Variants in HECW1 observed in about 807,000 individuals in gnomAD.
HECW1 encodes HECT, C2 and WW domain containing E3 ubiquitin protein ligase 1.
In HECW1, 61 loss-of-function variants were observed where a neutral mutation model predicts 182.3. That is an observed-to-expected ratio of 0.33 (90% CI 0.27 to 0.41). The LOEUF is 0.41. Among genes scored for constraint, HECW1 ranks in the 10% least tolerant of loss-of-function variants. The pLI is 1.00. For synonymous variants in HECW1, 859 were observed against 832.6 expected (o/e 1.03, Z -0.55); for missense variants, 1,739 against 2,108.9 (o/e 0.82, Z 3.44).
intron 5 of HECW1, 23 bp from the exon 6 acceptor site, chr7:43,360,863 C>G: frequency 6.3e-7 from 1 of 1,578,448 alleles, no homozygotes; most frequent in South Asian, 1.1e-5. Context: ...ACTTCTCAGT[C>G]TCATTTTTTG....
rs200208944 is a variant in HECW1, at chr7:43,554,599, C to G, written c.4518C>G (p.His1506Gln). The change falls in exon 29 of 30, where the codon CAC becomes CAG. Residue 1506 changes from histidine (H) to glutamine (Q), a missense_variant. Transcript: ENST00000395891. ...RNNTEYRGGY[H>Q]DGHLVIRWFW... ...TCCCTTTGCCTCGTGCAGGTTACCACGATGGGCATCTTGTGATCCGCTGGT... is the reference window on the plus strand; with the variant it reads ...TCCCTTTGCCTCGTGCAGGTTACCAGGATGGGCATCTTGTGATCCGCTGGT... 5 of 1,612,374 alleles carry G rather than the reference C, an allele frequency of 3.1e-6. No individual in the cohort carries two copies. In the South Asian group the frequency reaches 5.5e-5, roughly 18 times the overall value.
At chr7:43,475,321 T>C (rs1341158847) in intron 16 of HECW1, among the ~76,000 whole-genome samples, 1 of 152,158 alleles carries the variant, frequency 6.6e-6, no homozygotes, top group Non-Finnish European at 1.5e-5. Flanking sequence ...TTAAGCACAA[T>C]TGTAAGAACA....
chr7:43,489,909 A>G (rs1482696068), intron 17 of HECW1, among the ~76,000 whole-genome samples: 3 of 152,236 alleles, frequency 2.0e-5, no homozygotes, highest in Non-Finnish European at 4.4e-5. Flanking sequence ...TAGACTTTGT[A>G]GCACTGGTCC....
intron 7 of HECW1, among the ~76,000 whole-genome samples, chr7:43,401,596 A>T (rs1266129783): frequency 7.9e-6 from 1 of 126,844 alleles, no homozygotes; most frequent in Non-Finnish European, 1.8e-5. Context: ...TCCCCCAAAT[A>T]TAGCCACAGT....
chr7:43,488,364 AAGGAAGGAAGGAAGGAAGGAAGGAAG>A lies in HECW1; in HGVS notation c.3235-3710_3235-3685del, dbSNP rs1563044791. On this transcript the variant is annotated intron_variant, in intron 17 of 29. Transcript: ENST00000395891. ...GAAGGAAGGAAGGAAGGAAGGAAGGAAGGAAGGAAGGAAGGAAGGAAGGAAGGAAGGAAGGAAATGAAAGAAAGAGA... is the reference window on the plus strand; with the variant it reads ...GAAGGAAGGAAGGAAGGAAGGAAGGAGAAGGAAGGAAATGAAAGAAAGAGA... 6.5e-4 allele frequency among the ~76,000 whole-genome samples: 86 copies of A among 133,034 alleles called. 1 individual carries two copies. The highest frequency in any genetic ancestry group is 6.5e-4 in the Non-Finnish European group (40 of 61,982). 87.3% of individuals were successfully genotyped at this position (133,034 alleles called of 152,430 possible).
intron 2 of HECW1, among the ~76,000 whole-genome samples, chr7:43,190,086 T>TTGTTG (rs1554302294): frequency 8.6e-5 from 13 of 151,846 alleles, no homozygotes; most frequent in South Asian, 2.1e-4. Context: ...TGTGGAAATT[T>TTGTTG]TTGTTGTTGT....
At chr7:43,425,124 A>G (rs2076315156) in intron 8 of HECW1, among the ~76,000 whole-genome samples, 1 of 152,208 alleles carries the variant, frequency 6.6e-6, no homozygotes, top group African/African-American at 2.4e-5. Flanking sequence ...TGGCAAAGCC[A>G]TAAAGCCATA....
At chr7:43,185,845 T>A (rs1377004259) in intron 2 of HECW1, among the ~76,000 whole-genome samples, 1 of 152,226 alleles carries the variant, frequency 6.6e-6, no homozygotes, top group Non-Finnish European at 1.5e-5. Flanking sequence ...TTAAGTTATA[T>A]AATTTAATTT....
At chr7:43,261,348 G>T (rs1220359467) in intron 3 of HECW1, among the ~76,000 whole-genome samples, 3 of 152,220 alleles carry the variant, frequency 2.0e-5, no homozygotes, top group African/African-American at 7.2e-5. Context: ...TCCCAAGCAT[G>T]TTCTTTGAAG....
intron 3 of HECW1, among the ~76,000 whole-genome samples, chr7:43,265,673 A>G (rs544515772): frequency 1.1e-3 from 170 of 152,270 alleles, no homozygotes; most frequent in African/African-American, 3.9e-3. Context: ...AACAATTCAA[A>G]TCAATTCTGG....
At chr7:43,520,936 T>C (rs1189799186) in intron 24 of HECW1, among the ~76,000 whole-genome samples, 4 of 152,230 alleles carry the variant, frequency 2.6e-5, no homozygotes, top group Non-Finnish European at 5.9e-5. Context: ...AGGTTTGCCC[T>C]CTGCAGCCAG....
intron 10 of HECW1, among the ~76,000 whole-genome samples, chr7:43,442,853 G>C (rs2076931520): frequency 6.6e-6 from 1 of 152,226 alleles, no homozygotes; most frequent in South Asian, 2.1e-4. Flanking sequence ...GTACAGAGTA[G>C]ACAGTGGACT....
intron 24 of HECW1, among the ~76,000 whole-genome samples, chr7:43,539,721 G>A (rs2081297745): frequency 6.6e-6 from 1 of 152,194 alleles, no homozygotes; most frequent in African/African-American, 2.4e-5. Context: ...TTCCTGGTTT[G>A]GATCATCTCG....
chr7:43,444,753 G>A lies in HECW1; in HGVS notation c.1581G>A (p.Ser527=), dbSNP rs765609012. ...QGEGRLQLRA[S]VKRKSRPCSL... The stretch of plus-strand genomic sequence containing the variant: ...AGGGCAGGCTGCAGCTGCGGGCCTC[G>A]GTGAAGAGAAAAAGCAGGCCCTGCT... Residue 527 remains serine (S), a synonymous_variant, in exon 11 of 30, where the codon TCG becomes TCA. Transcript: ENST00000395891. The surrounding 1 kb of genome is among the most constrained non-coding windows in gnomAD (Gnocchi z 4.3). 4.2e-5 allele frequency: 67 copies of A among 1,613,822 alleles called. 1 individual carries two copies. In the East Asian group the frequency reaches 1.4e-3, roughly 33 times the overall value.
chr7:43,266,653 C>A lies in HECW1; in HGVS notation c.27+22721C>A, dbSNP rs919143532. Among the ~76,000 whole-genome samples the A allele has an allele frequency of 8.5e-5, 13 of 152,224 alleles. 1 individual carries two copies. The East Asian group carries it at 2.5e-3, about 29-fold the overall frequency. On this transcript the variant is annotated intron_variant, in intron 3 of 29. Coordinates refer to ENST00000395891, the MANE Select transcript of HECW1 (RefSeq NM_015052.5). ...CCGGCCTCAGGAAATGTTTTAAGAA[C>A]TTCTATGCCAGGAACTAGGAACAAA...
intron 13 of HECW1, among the ~76,000 whole-genome samples, chr7:43,458,743 T>C (rs2077483149): frequency 6.6e-6 from 1 of 152,190 alleles, no homozygotes. Context: ...ACATTTCCAG[T>C]CTTCTATCCA....
intron 3 of HECW1, among the ~76,000 whole-genome samples, chr7:43,290,303 A>G (rs1805237492): frequency 6.6e-6 from 1 of 152,224 alleles, no homozygotes; most frequent in Non-Finnish European, 1.5e-5. Context: ...TACCACAGTC[A>G]GTTTGGAAAG....
At chr7:43,338,479 A>G (rs956469801) in intron 5 of HECW1, among the ~76,000 whole-genome samples, 8 of 151,822 alleles carry the variant, frequency 5.3e-5, no homozygotes, top group Admixed American at 3.3e-4. Context: ...CCTTCTTTCT[A>G]CTTTCCTTGG....
At chr7:43,116,412 A>G (rs1785053542) in intron 2 of HECW1, among the ~76,000 whole-genome samples, 1 of 152,190 alleles carries the variant, frequency 6.6e-6, no homozygotes, top group Non-Finnish European at 1.5e-5. Context: ...GGTTCTATCA[A>G]CCAGAGCTTG....
Sources: allele counts gnomAD v4.1 joint callset (sites outside exome capture counted in the v4.1 genomes callset), GRCh38; gene constraint gnomAD v4.1.1; non-coding constraint Gnocchi (gnomAD v3.1); transcripts MANE v1.5; gene names NCBI Gene and HGNC (gene_info 2026-07-23, HGNC 2026-07-21).